Variants in DLG1 observed in about 807,000 individuals in gnomAD.
DLG1 encodes disks large homolog 1.
DLG1 carries 42 observed loss-of-function variants against 123.4 expected under a neutral mutation model. The ratio of observed to expected loss-of-function variants is 0.34; its 90% CI spans 0.27 to 0.44. The LOEUF is 0.44. Among genes scored for constraint, DLG1 ranks in the 20% least tolerant of loss-of-function variants. The pLI, the probability that DLG1 is intolerant of heterozygous loss-of-function variation, is 1.00. For synonymous variants in DLG1, 317 were observed against 356.2 expected (o/e 0.89, Z 1.24); for missense variants, 942 against 1,082.6 (o/e 0.87, Z 1.82).
At chr3:197,214,680 G>T (rs909217803) in intron 4 of DLG1, among the ~76,000 whole-genome samples, 1 of 152,100 alleles carries the variant, frequency 6.6e-6, no homozygotes, top group Admixed American at 6.5e-5. Flanking sequence ...AACTAGTTTG[G>T]GGGGAGGGGT....
intron 4 of DLG1, 83 bp from the exon 5 acceptor site, chr3:197,194,672 C>T (rs1045574934): frequency 2.1e-5 from 19 of 902,344 alleles, no homozygotes; most frequent in Non-Finnish European, 3.2e-5. Flanking sequence ...TAGCCAAATA[C>T]TCAATATTTA....
intron 4 of DLG1, among the ~76,000 whole-genome samples, chr3:197,249,189 CAAAT>C (rs1352670645): frequency 1.1e-4 from 16 of 151,740 alleles, no homozygotes; most frequent in East Asian, 3.9e-4. Flanking sequence ...AAAGATGACT[CAAAT>C]AAATAAAATC....
intron 4 of DLG1, among the ~76,000 whole-genome samples, chr3:197,204,571 T>G (rs1727552983): frequency 6.6e-6 from 1 of 152,184 alleles, no homozygotes; most frequent in African/African-American, 2.4e-5. Context: ...GGTTAAACAA[T>G]TTCTCCCAAC....
chr3:197,277,156 T>G (rs958177618), intron 4 of DLG1, among the ~76,000 whole-genome samples: 1 of 151,960 alleles, frequency 6.6e-6, no homozygotes, highest in Non-Finnish European at 1.5e-5. Flanking sequence ...CCTCCCAAAG[T>G]GCTGGAATTA....
intron 4 of DLG1, among the ~76,000 whole-genome samples, chr3:197,197,724 G>A (rs371483591): frequency 1.2e-4 from 18 of 152,096 alleles, no homozygotes; most frequent in African/African-American, 4.3e-4. Context: ...AAAGTACAGG[G>A]CTCACACCTC....
intron 4 of DLG1, among the ~76,000 whole-genome samples, chr3:197,215,452 T>C (rs1005362534): frequency 2.0e-5 from 3 of 152,072 alleles, no homozygotes; most frequent in East Asian, 1.9e-4. Flanking sequence ...CAATACTACA[T>C]AGGAGATTAT....
At chr3:197,056,962 T>C (rs939405085) in intron 23 of DLG1, among the ~76,000 whole-genome samples, 2 of 152,264 alleles carry the variant, frequency 1.3e-5, no homozygotes, top group South Asian at 4.1e-4. Context: ...TACTTCTGTA[T>C]GTGGCTGGAG....
At chr3:197,114,667 T>C (rs191891078) in intron 13 of DLG1, among the ~76,000 whole-genome samples, 32 of 152,246 alleles carry the variant, frequency 2.1e-4, no homozygotes, top group South Asian at 6.2e-4. Context: ...GCATGTAGCA[T>C]GTATATGAAA....
At chr3:197,111,362 G>A (rs1769906068) in intron 13 of DLG1, among the ~76,000 whole-genome samples, 1 of 151,914 alleles carries the variant, frequency 6.6e-6, no homozygotes, top group Non-Finnish European at 1.5e-5. Flanking sequence ...GGTTCCAAAG[G>A]GACAATTTAA....
chr3:197,131,219 T>C (rs185944261), intron 10 of DLG1, among the ~76,000 whole-genome samples: 1 of 152,320 alleles, frequency 6.6e-6, no homozygotes, highest in Non-Finnish European at 1.5e-5. Flanking sequence ...AATATTTAAA[T>C]TGTTCTCCTA....
Position 197,094,651 on chromosome 3 carries a change from C to T in DLG1, c.1547-3625G>A, listed in dbSNP as rs555062445. 3.0e-4 allele frequency among the ~76,000 whole-genome samples: 45 copies of T among 152,262 alleles called. No homozygotes were observed. In the East Asian group the frequency reaches 7.7e-3, roughly 26 times the overall value. Reference sequence around the variant, plus strand: ...TTCCTTATAATCTTCTTCATTAATGCTAACACCAGTCCTTATGTCAGTATC... The same window carrying T: ...TTCCTTATAATCTTCTTCATTAATGTTAACACCAGTCCTTATGTCAGTATC... On this transcript the variant is annotated intron_variant, in intron 14 of 24. Transcript: ENST00000667157.
intron 4 of DLG1, among the ~76,000 whole-genome samples, chr3:197,233,347 C>T (rs1744232484): frequency 6.6e-6 from 1 of 152,182 alleles, no homozygotes; most frequent in Non-Finnish European, 1.5e-5. Flanking sequence ...AAAGTAGCAA[C>T]TATCATTTTT....
chr3:197,062,365 G>A (rs751755907), intron 22 of DLG1, among the ~76,000 whole-genome samples: 3 of 152,096 alleles, frequency 2.0e-5, no homozygotes, highest in South Asian at 2.1e-4. Flanking sequence ...GTATGGCTGC[G>A]ACTGAATATG....
At chr3:197,051,523 T>G in intron 24 of DLG1, 54 bp downstream of exon 24, 2 of 1,466,740 alleles carry the variant, frequency 1.4e-6, no homozygotes, top group South Asian at 1.1e-5. Flanking sequence ...TCGGTTCACA[T>G]GGCTTCAAAG....
chr3:197,194,486 T>G lies in DLG1; in HGVS notation c.422A>C (p.Asn141Thr), dbSNP rs1721367201. The change falls in exon 5 of 25, where the codon AAC (asparagine) becomes ACC (threonine). Residue 141 changes from asparagine (N) to threonine (T), a missense_variant. Transcript: ENST00000667157. Reference sequence around the variant, plus strand: ...ATGGACATTCTCAATCTCTGATAAGTTCTTCTCTGAGACATGAACCAATTC... The same window carrying G: ...ATGGACATTCTCAATCTCTGATAAGGTCTTCTCTGAGACATGAACCAATTC... ...GPELVHVSEK[N>T]LSEIENVHGF... The G allele has an allele frequency of 2.5e-6, 4 of 1,604,964 alleles. No homozygotes were observed. Among genetic ancestry groups the G allele is most frequent in the Non-Finnish European group, 3.4e-6 (4 of 1,176,012 alleles).
intron 18 of DLG1, among the ~76,000 whole-genome samples, chr3:197,074,384 T>G (rs1745937443): frequency 6.6e-6 from 1 of 152,054 alleles, no homozygotes; most frequent in Admixed American, 6.5e-5. Flanking sequence ...CAATCTTCAA[T>G]CAGAACCAGA....
chr3:197,242,293 A>T (rs1351466103), intron 4 of DLG1, among the ~76,000 whole-genome samples: 3 of 152,024 alleles, frequency 2.0e-5, no homozygotes, highest in East Asian at 3.8e-4. Context: ...AAGTATATAT[A>T]AAAAAATTAA....
At chr3:197,076,933 C>CA (rs1207388624) in intron 17 of DLG1, among the ~76,000 whole-genome samples, 3 of 151,892 alleles carry the variant, frequency 2.0e-5, no homozygotes, top group East Asian at 3.9e-4. Context: ...TGCTACTTGA[C>CA]AAAAAAAGGC....
intron 16 of DLG1, among the ~76,000 whole-genome samples, chr3:197,081,589 C>T (rs1452800815): frequency 6.6e-6 from 1 of 152,100 alleles, no homozygotes; most frequent in Non-Finnish European, 1.5e-5. Flanking sequence ...TTCTATAGCT[C>T]TGAAACTTTT....
Sources: allele counts gnomAD v4.1 joint callset (sites outside exome capture counted in the v4.1 genomes callset), GRCh38; gene constraint gnomAD v4.1.1; transcripts MANE v1.5; gene names NCBI Gene and HGNC (gene_info 2026-07-23, HGNC 2026-07-21).